The following MAGI1 variants were observed in gnomAD, a reference collection of about 807,000 sequenced individuals.
The protein encoded by MAGI1 is membrane-associated guanylate kinase, WW and PDZ domain-containing protein 1.
A neutral mutation model predicts 139.9 loss-of-function variants in MAGI1; 58 were observed. The ratio of observed to expected loss-of-function variants is 0.41; its 90% CI spans 0.34 to 0.52. MAGI1 has a LOEUF of 0.52. MAGI1 is among the 20% of genes least tolerant of loss of function. MAGI1 has a pLI of 0.12. For synonymous variants in MAGI1, 812 were observed against 737.9 expected (o/e 1.10, Z -1.63); for missense variants, 1,874 against 1,901.6 (o/e 0.99, Z 0.27).
chr3:65,364,673 C>T lies in MAGI1; in HGVS notation c.3343G>A (p.Ala1115Thr). 3 of 1,613,912 alleles carry T rather than the reference C, an allele frequency of 1.9e-6. No individual in the cohort carries two copies. The highest frequency in any genetic ancestry group is 2.5e-6 in the Non-Finnish European group (3 of 1,179,886). Residue 1115 changes from alanine (A) to threonine (T), a missense_variant, in exon 20 of 23, where the codon GCA becomes ACA. Physicochemically the swap from Ala to Thr is moderately conservative, Grantham distance 58 (BLOSUM62 0). Around this residue, in one of 5 missense-constraint regions of MAGI1, gnomAD observed 653 missense variants for 644.5 expected, o/e 1.01. Transcript: ENST00000402939. ...ESQFEFKAPQATQEQDFYTVE... is the reference protein window; with the variant it reads ...ESQFEFKAPQTTQEQDFYTVE... ...AGAGACATGGTGCTCACCTGTGTTG[C>T]TTGGGGTGCTTTGAACTCAAATTGA...
intron 17 of MAGI1, among the ~76,000 whole-genome samples, chr3:65,376,885 C>T (rs1189402063): frequency 6.6e-6 from 1 of 152,160 alleles, no homozygotes; most frequent in Non-Finnish European, 1.5e-5. Flanking sequence ...CTTTGAGGCA[C>T]TGCATGTCAT....
At chr3:65,514,466 AAAAC>A (rs2077758700) in intron 2 of MAGI1, among the ~76,000 whole-genome samples, 1 of 149,240 alleles carries the variant, frequency 6.7e-6, no homozygotes, top group Non-Finnish European at 1.5e-5. Context: ...TTACAAGAAA[AAAAC>A]AAACAACCCC....
At chr3:65,911,760 T>TTA (rs1230919059) in intron 1 of MAGI1, among the ~76,000 whole-genome samples, 1 of 152,338 alleles carries the variant, frequency 6.6e-6, no homozygotes, top group Admixed American at 6.5e-5. Flanking sequence ...AATCATACTT[T>TTA]TATAGCCCAT....
chr3:65,848,495 T>C (rs1164665221), intron 1 of MAGI1, among the ~76,000 whole-genome samples: 1 of 152,036 alleles, frequency 6.6e-6, no homozygotes, highest in Non-Finnish European at 1.5e-5. Context: ...CAATCTTTAA[T>C]TAAAATACAC....
intron 1 of MAGI1, among the ~76,000 whole-genome samples, chr3:66,003,365 G>A (rs1314108454): frequency 6.6e-6 from 1 of 152,084 alleles, no homozygotes; most frequent in Admixed American, 6.5e-5. Context: ...AGGTTAAAGA[G>A]GAGAGGCAGG....
At chr3:65,645,689 C>G (rs1183288324) in intron 1 of MAGI1, among the ~76,000 whole-genome samples, 7 of 152,126 alleles carry the variant, frequency 4.6e-5, no homozygotes, top group Admixed American at 4.6e-4. Flanking sequence ...TCAACTATCT[C>G]ATGTGGCTCT....
At chr3:65,813,475 C>T (rs190163371) in intron 1 of MAGI1, among the ~76,000 whole-genome samples, 1 of 152,084 alleles carries the variant, frequency 6.6e-6, no homozygotes, top group South Asian at 2.1e-4. Flanking sequence ...ACAAAATGAG[C>T]TTCTATTTAG....
rs1947396111 is a variant in MAGI1, at chr3:65,430,770, G to A, written c.1475C>T (p.Pro492Leu). 1.2e-6 allele frequency: 2 copies of A among 1,613,512 alleles called. No individual in the cohort carries two copies. Among genetic ancestry groups the A allele is most frequent in the Non-Finnish European group, 1.7e-6 (2 of 1,179,802 alleles). The change falls in exon 11 of 23, where the codon CCT becomes CTT. Residue 492 changes from proline (P) to leucine (L), a missense_variant. Transcript: ENST00000402939. ...GCTCTTGATCTGGAGAAACTCATCA[G>A]GTTCATCCCCTCCAACCACCGTGAA... ...FGFTVVGGDE[P>L]DEFLQIKSLV...
intron 1 of MAGI1, among the ~76,000 whole-genome samples, chr3:65,681,163 G>A (rs1028516538): frequency 2.0e-5 from 3 of 152,082 alleles, no homozygotes; most frequent in Non-Finnish European, 2.9e-5. Context: ...TTGTCTATTG[G>A]CTAAAATGCC....
At position 65,493,645 on chromosome 3, in the gene MAGI1, T is replaced by C. The variant is rs375512440; in HGVS notation, c.431-14A>G. The C allele has an allele frequency of 1.4e-5, 23 of 1,613,514 alleles. No homozygotes were observed. Among genetic ancestry groups the C allele is most frequent in the East Asian group, 2.2e-5 (1 of 44,878 alleles). ...ATCGGGTTGTGCCTGTAGCAGAAAA[T>C]ACAAAGGCACAACAAACCATCAATC... On this transcript the variant is annotated splice_polypyrimidine_tract_variant and intron_variant, in intron 2 of 22. Transcript: ENST00000402939.
rs202003931 is a variant in MAGI1 at position 65,361,225 on chromosome 3, C to A, written c.3608G>T (p.Arg1203Leu). The change falls in exon 22 of 23, where the codon CGG becomes CTG. Residue 1203 changes from arginine to leucine, a missense_variant. Arg to Leu is a moderately radical substitution (Grantham distance 102). This residue lies in a region of MAGI1 where 653 missense variants were observed against 644.5 expected (regional missense o/e 1.01). Transcript: ENST00000402939. ...GGRRVRLFLKRGDGSVPEYDP... is the reference protein window; with the variant it reads ...GGRRVRLFLKLGDGSVPEYDP... ...ATATTCTGGTACTGAGCCGTCTCCC[C>A]GCTTCAGAAACAGACGAACTCTGCG... 2 of 1,613,976 alleles carry A rather than the reference C, an allele frequency of 1.2e-6. No homozygotes were observed. The highest frequency in any genetic ancestry group is 1.7e-6 in the Non-Finnish European group (2 of 1,179,996).
At chr3:65,747,861 T>C (rs1000941777) in intron 1 of MAGI1, among the ~76,000 whole-genome samples, 3 of 152,196 alleles carry the variant, frequency 2.0e-5, no homozygotes, top group Non-Finnish European at 2.9e-5. Flanking sequence ...ACCAAAAAGT[T>C]TGAGAACCAC....
intron 1 of MAGI1, among the ~76,000 whole-genome samples, chr3:65,796,520 A>G (rs563227432): frequency 2.0e-5 from 3 of 152,282 alleles, no homozygotes; most frequent in South Asian, 4.2e-4. Context: ...TATGAGGGGA[A>G]ACGGACACAC....
chr3:65,437,102 A>G (rs1947910966), intron 10 of MAGI1, 53 bp downstream of exon 10: 3 of 1,313,618 alleles, frequency 2.3e-6, no homozygotes, highest in Non-Finnish European at 3.2e-6. Context: ...ACCTTAAAAA[A>G]AATTAGATTT....
chr3:65,954,564 T>TA (rs2064022314), intron 1 of MAGI1: 1 of 152,458 alleles, frequency 6.6e-6, no homozygotes, highest in African/African-American at 2.4e-5. Flanking sequence ...CAAAGGAAGT[T>TA]ATGCCAAACT....
At chr3:65,677,495 G>C (rs887325797) in intron 1 of MAGI1, among the ~76,000 whole-genome samples, 2 of 152,166 alleles carry the variant, frequency 1.3e-5, no homozygotes, top group African/African-American at 2.4e-5. Context: ...GTAACTGACA[G>C]ATGCAATGAA....
intron 2 of MAGI1, among the ~76,000 whole-genome samples, chr3:65,555,071 A>G (rs557099504): frequency 6.6e-6 from 1 of 152,364 alleles, no homozygotes; most frequent in Admixed American, 6.5e-5. Flanking sequence ...CATTAGGGAA[A>G]GCTGAGAGGA....
intron 2 of MAGI1, among the ~76,000 whole-genome samples, chr3:65,605,416 T>A (rs958849676): frequency 6.6e-6 from 1 of 152,028 alleles, no homozygotes. Context: ...AGTGAATAAA[T>A]AAAGGGGGGA....
chr3:65,449,577 C>G (rs1175402360), intron 6 of MAGI1, among the ~76,000 whole-genome samples: 2 of 152,030 alleles, frequency 1.3e-5, no homozygotes, highest in African/African-American at 4.8e-5. Flanking sequence ...GAGTTCGAGA[C>G]CAGCCTGGCC....
Sources: allele counts gnomAD v4.1 joint callset (sites outside exome capture counted in the v4.1 genomes callset), GRCh38; gene constraint gnomAD v4.1.1; regional missense constraint gnomAD v4.1.1; transcripts MANE v1.5; gene names NCBI Gene and HGNC (gene_info 2026-07-23, HGNC 2026-07-21).